Variants in GPRC6A observed in about 807,000 individuals in gnomAD.
GPRC6A encodes the protein G protein-coupled receptor class C group 6 member A, also known as G protein-coupled receptor family C group 6 member A.
Under a neutral mutation model 47.0 loss-of-function variants are expected in GPRC6A, and 54 were observed. The ratio of observed to expected loss-of-function variants is 1.15; its 90% confidence interval spans 0.92 to 1.44. The LOEUF is 1.44. Among genes scored for constraint, GPRC6A ranks in the 40% most tolerant of loss-of-function variants. The pLI, the probability that GPRC6A is intolerant of heterozygous loss-of-function variation, is 0.00. For missense variants in GPRC6A, 1,112 were observed against 1,105.5 expected (o/e 1.01, Z -0.08); for synonymous variants, 347 against 377.1 (o/e 0.92, Z 0.93).
chr6:116,800,547 G>T, intron 4 of GPRC6A, 37 bp downstream of exon 4: 3 of 1,365,274 alleles, frequency 2.2e-6, no homozygotes, highest in Non-Finnish European at 3.1e-6. Context: ...GGTACCAATT[G>T]CTTTGAGTGC....
chr6:116,792,608 T>G lies in GPRC6A; in HGVS notation c.2315A>C (p.Lys772Thr), dbSNP rs146895917. The change falls in exon 6 of 6, where the codon AAA (lysine) becomes ACA (threonine). Residue 772 changes from lysine (K) to threonine (T), a missense_variant. By Grantham distance (78) the Lys-to-Thr change is moderately conservative. Coordinates refer to ENST00000310357, the MANE Select transcript of GPRC6A (RefSeq NM_148963.4). ...TTCATTGTAATTCTCATATTTGCCT[T>G]TGAAAGCAAATATGAAGCAAATGAA... Reference protein sequence around the residue: ...LAFICFIFAFKGKYENYNEAK... With the variant: ...LAFICFIFAFTGKYENYNEAK... The G allele has an allele frequency of 6.6e-7, 1 of 1,522,536 alleles. No homozygotes were observed. Among genetic ancestry groups the G allele is most frequent in the South Asian group, 1.1e-5 (1 of 88,332 alleles). The allele number at this position is 1,522,536 out of a possible 1,614,324, so 94.3% of individuals were successfully genotyped here.
intron 1 of GPRC6A, among the ~76,000 whole-genome samples, chr6:116,823,855 G>A (rs1300877031): frequency 6.6e-6 from 1 of 151,946 alleles, no homozygotes; most frequent in African/African-American, 2.4e-5. Context: ...CAGATTAGGA[G>A]GAAGAAAGAG....
chr6:116,828,042 C>G (rs777958376), intron 1 of GPRC6A, among the ~76,000 whole-genome samples: 1 of 152,022 alleles, frequency 6.6e-6, no homozygotes, highest in African/African-American at 2.4e-5. Flanking sequence ...CTGCCTGTGT[C>G]CTTAGAGGTT....
Position 116,792,963 on chromosome 6 carries a change from G to A in GPRC6A, c.1960C>T (p.Pro654Ser), listed in dbSNP as rs776706320. 1.2e-6 allele frequency: 2 copies of A among 1,613,952 alleles called. No individual in the cohort carries two copies. The highest frequency in any genetic ancestry group is 1.7e-5 in the Admixed American group (1 of 59,960). ...FASTSFFIGE[P>S]QDFTCKTRQT... is the part of the protein sequence containing the mutation. ...CTGGTTTTACATGTGAAGTCTTGTG[G>A]TTCTCCAATGAAAAAGCTCGTGCTG... Residue 654 changes from proline to serine, a missense_variant, in exon 6 of 6, where the codon CCA (proline) becomes TCA (serine). Pro to Ser is a moderately conservative substitution (Grantham distance 74). Coordinates refer to ENST00000310357, the MANE Select transcript of GPRC6A (RefSeq NM_148963.4).
chr6:116,810,884 C>T (rs776977120), intron 1 of GPRC6A, among the ~76,000 whole-genome samples: 3 of 152,190 alleles, frequency 2.0e-5, no homozygotes, highest in East Asian at 3.9e-4. Context: ...CTGTCACTGC[C>T]GTTGCCATCA....
rs79798238 is a variant in GPRC6A at position 116,810,198 on chromosome 6, G to A, written c.195-581C>T. Among the ~76,000 whole-genome samples the A allele has an allele frequency of 8.1e-3, 1,234 of 152,188 alleles. 18 individuals are homozygous for A. Among genetic ancestry groups the A allele is most frequent in the African/African-American group, 0.028 (1,173 of 41,518 alleles). On this transcript the variant is annotated intron_variant, in intron 1 of 5. Coordinates refer to ENST00000310357, the MANE Select transcript of GPRC6A (RefSeq NM_148963.4). The stretch of plus-strand genomic sequence containing the variant: ...TGAGTTGTCTGATTACAGATTTACT[G>A]TTAAGTTTATTTCATCCACCACTAT...
Position 116,809,431 on chromosome 6 carries a change from C to T in GPRC6A, c.381G>A (p.Val127=). 6.2e-7 allele frequency: 1 copy of T among 1,613,718 alleles called. No individual in the cohort carries two copies. The highest frequency in any genetic ancestry group is 1.1e-5 in the South Asian group (1 of 91,066). Residue 127 remains valine (V), a synonymous_variant, in exon 2 of 6, where the codon GTG becomes GTA. Coordinates refer to ENST00000310357, the MANE Select transcript of GPRC6A (RefSeq NM_148963.4). ...AGCTGGAATAGTCACACTTAAACTCCACAGTTTCTCTGGAGCAGTTGAATT... is the reference window on the plus strand; with the variant it reads ...AGCTGGAATAGTCACACTTAAACTCTACAGTTTCTCTGGAGCAGTTGAATT... ...LSKFNCSRET[V]EFKCDYSSYM...
At chr6:116,797,197 T>C (rs1435727599) in intron 4 of GPRC6A, among the ~76,000 whole-genome samples, 1 of 152,172 alleles carries the variant, frequency 6.6e-6, no homozygotes, top group Non-Finnish European at 1.5e-5. Flanking sequence ...TCCATGTCCC[T>C]ACAAAGGACA....
chr6:116,804,585 G>C lies in GPRC6A; in HGVS notation c.1335+1785C>G, dbSNP rs370296384. The stretch of plus-strand genomic sequence containing the variant: ...GATCAAAGGAGCAAGTCATCCCCCT[G>C]TTCTTCCTTTCTAATCTGTTTCTGT... On this transcript the variant is annotated intron_variant, in intron 3 of 5. Coordinates refer to ENST00000310357, the MANE Select transcript of GPRC6A (RefSeq NM_148963.4). Among the ~76,000 whole-genome samples, 12 of 152,064 alleles carry C rather than the reference G, an allele frequency of 7.9e-5. No individual in the cohort carries two copies. In the East Asian group the frequency reaches 1.5e-3, roughly 20 times the overall value.
intron 1 of GPRC6A, among the ~76,000 whole-genome samples, chr6:116,827,857 T>G (rs547035710): frequency 1.3e-5 from 2 of 152,118 alleles, no homozygotes; most frequent in South Asian, 4.1e-4. Flanking sequence ...TGACAGGGAA[T>G]CACATTTTAT....
chr6:116,807,123 A>G lies in GPRC6A; in HGVS notation c.582T>C (p.His194=), dbSNP rs1468024166. The G allele has an allele frequency of 1.2e-6, 2 of 1,613,760 alleles. No individual in the cohort carries two copies. Among genetic ancestry groups the G allele is most frequent in the South Asian group, 1.1e-5 (1 of 91,062 alleles). Residue 194 remains histidine, a synonymous_variant, in exon 3 of 6, where the codon CAT becomes CAC. Coordinates refer to ENST00000310357, the MANE Select transcript of GPRC6A (RefSeq NM_148963.4). ...SFLRTVPSDF[H]QIKAMAHLIQ... Reference sequence around the variant, plus strand: ...TCAGGTGAGCCATTGCTTTAATTTGATGGAAGTCACTGGGCACAGTCCGTA... The same window carrying G: ...TCAGGTGAGCCATTGCTTTAATTTGGTGGAAGTCACTGGGCACAGTCCGTA...
At chr6:116,811,831 G>GA (rs201485010) in intron 1 of GPRC6A, among the ~76,000 whole-genome samples, 32 of 148,874 alleles carry the variant, frequency 2.1e-4, no homozygotes, top group Admixed American at 3.3e-4. Context: ...AAATATAAAG[G>GA]AAAAAAAAAG....
intron 2 of GPRC6A, 89 bp from the exon 3 acceptor site, chr6:116,807,295 A>G: frequency 1.3e-6 from 1 of 748,786 alleles, no homozygotes; most frequent in Non-Finnish European, 2.2e-6. Flanking sequence ...ATTGCTGTAA[A>G]TTTTCATGAC....
At chr6:116,816,560 C>A (rs565742221) in intron 1 of GPRC6A, among the ~76,000 whole-genome samples, 1 of 152,230 alleles carries the variant, frequency 6.6e-6, no homozygotes, top group Non-Finnish European at 1.5e-5. Flanking sequence ...GGAACAGCTC[C>A]GGTCTACAGC....
intron 1 of GPRC6A, among the ~76,000 whole-genome samples, chr6:116,819,195 C>A (rs1408692168): frequency 1.1e-4 from 16 of 151,422 alleles, no homozygotes; most frequent in South Asian, 2.1e-4. Flanking sequence ...CAGGAGCACC[C>A]AGATTCATAA....
chr6:116,815,013 T>C (rs1203111770), intron 1 of GPRC6A, among the ~76,000 whole-genome samples: 1 of 152,052 alleles, frequency 6.6e-6, no homozygotes, highest in African/African-American at 2.4e-5. Flanking sequence ...AAGGAATCTT[T>C]CCAGGAAGAG....
chr6:116,818,532 TAAAAAAAAAAAAAAAAAAAAAAAAA>T (rs35974500), intron 1 of GPRC6A, among the ~76,000 whole-genome samples: 3 of 15,504 alleles, frequency 1.9e-4, no homozygotes, highest in South Asian at 3.6e-3. Flanking sequence ...AGACTCCGTC[TAAAAAAAAAAAAAAAAAAAAAAAAA>T]AAAAAAAAAA....
At chr6:116,817,257 G>T in intron 1 of GPRC6A, among the ~76,000 whole-genome samples, 1 of 152,136 alleles carries the variant, frequency 6.6e-6, no homozygotes, top group East Asian at 1.9e-4. Context: ...TAACTGGGAG[G>T]CACCCCCCAG....
At chr6:116,821,534 A>C (rs1773479778) in intron 1 of GPRC6A, among the ~76,000 whole-genome samples, 1 of 152,192 alleles carries the variant, frequency 6.6e-6, no homozygotes, top group South Asian at 2.1e-4. Flanking sequence ...GGAACAGAAC[A>C]GAGCCCTCAG....
Sources: allele counts gnomAD v4.1 joint callset (sites outside exome capture counted in the v4.1 genomes callset), GRCh38; gene constraint gnomAD v4.1.1; transcripts MANE v1.5; gene names NCBI Gene and HGNC (gene_info 2026-07-23, HGNC 2026-07-21).